The following CAMK1D variants were observed in gnomAD, a reference collection of about 807,000 sequenced individuals.
The protein encoded by CAMK1D is calcium/calmodulin dependent protein kinase ID.
In CAMK1D, 9 loss-of-function variants were observed where a neutral mutation model predicts 47.7. The observed-to-expected ratio is 0.19, with a 90% CI of 0.11 to 0.33. CAMK1D has a LOEUF of 0.33. CAMK1D is among the 10% of genes least tolerant of loss of function. The probability of loss-of-function intolerance (pLI) is 1.00; values close to 1 mark genes in which losing one functional copy is unlikely to be tolerated. For synonymous variants in CAMK1D, 184 were observed against 184.9 expected (o/e 0.99, Z 0.04); for missense variants, 291 against 488.7 (o/e 0.60, Z 3.81).
chr10:12,559,409 G>A (rs1269634947), intron 2 of CAMK1D, among the ~76,000 whole-genome samples: 6 of 152,176 alleles, frequency 3.9e-5, no homozygotes, highest in Admixed American at 1.3e-4. Context: ...TCCCCCACCC[G>A]CCACCCACTG....
intron 2 of CAMK1D, among the ~76,000 whole-genome samples, chr10:12,630,875 C>A (rs1459110934): frequency 6.6e-6 from 1 of 152,140 alleles, no homozygotes; most frequent in Admixed American, 6.5e-5. Flanking sequence ...CTGTGGACTT[C>A]AGAGGGTGCA....
intron 1 of CAMK1D, among the ~76,000 whole-genome samples, chr10:12,396,692 T>C (rs1838968686): frequency 1.3e-5 from 2 of 152,190 alleles, no homozygotes; most frequent in Non-Finnish European, 2.9e-5. Flanking sequence ...AGATCAAGTG[T>C]GTTGGCAGCT....
chr10:12,465,018 T>C (rs1322167693), intron 1 of CAMK1D, among the ~76,000 whole-genome samples: 2 of 152,160 alleles, frequency 1.3e-5, no homozygotes, highest in Non-Finnish European at 2.9e-5. Context: ...GCCTTTACAG[T>C]GGTCATGTTG....
At chr10:12,685,519 A>T (rs779764927) in intron 3 of CAMK1D, among the ~76,000 whole-genome samples, 36 of 152,202 alleles carry the variant, frequency 2.4e-4, no homozygotes, top group Non-Finnish European at 5.9e-5. Context: ...TGGGTCAAAG[A>T]TATGCCTTCC....
intron 5 of CAMK1D, among the ~76,000 whole-genome samples, chr10:12,785,543 A>T (rs1333746586): frequency 6.6e-6 from 1 of 152,138 alleles, no homozygotes; most frequent in Non-Finnish European, 1.5e-5. Context: ...TGGCCAGGAG[A>T]TGGAACTGTG....
At chr10:12,446,120 C>A (rs1252005505) in intron 1 of CAMK1D, among the ~76,000 whole-genome samples, 1 of 152,104 alleles carries the variant, frequency 6.6e-6, no homozygotes, top group Non-Finnish European at 1.5e-5. Flanking sequence ...GGGTCATGAT[C>A]CAGGCCCCAA....
intron 1 of CAMK1D, among the ~76,000 whole-genome samples, chr10:12,541,691 C>A (rs1836185152): frequency 2.0e-5 from 3 of 151,744 alleles, no homozygotes; most frequent in Non-Finnish European, 1.5e-5. Flanking sequence ...CATTCGGATT[C>A]TCTGGGGTCT....
intron 8 of CAMK1D, among the ~76,000 whole-genome samples, chr10:12,820,919 G>T (rs1226556205): frequency 6.6e-6 from 1 of 152,158 alleles, no homozygotes; most frequent in Admixed American, 6.5e-5. Flanking sequence ...GGGCAGCCCT[G>T]GCCAGAGCTC....
At chr10:12,794,424 A>G (rs1838105249) in intron 6 of CAMK1D, among the ~76,000 whole-genome samples, 1 of 152,256 alleles carries the variant, frequency 6.6e-6, no homozygotes, top group South Asian at 2.1e-4. Context: ...TGAGTAGTGT[A>G]TGCACGTGTG....
rs545680779 is a variant in CAMK1D, at chr10:12,599,049, A to G, written c.224+45693A>G. On this transcript the variant is annotated intron_variant, in intron 2 of 10. Transcript: ENST00000619168. ...TTCAGAGAGGGGGTGTGACCTGCCCATGATTTAGGAAAGGCCTTAGGTGTT... is the reference window on the plus strand; with the variant it reads ...TTCAGAGAGGGGGTGTGACCTGCCCGTGATTTAGGAAAGGCCTTAGGTGTT... Among the ~76,000 whole-genome samples the G allele has an allele frequency of 1.4e-4, 21 of 152,280 alleles. No homozygotes were observed. In the East Asian group the frequency reaches 3.9e-3, roughly 28 times the overall value.
chr10:12,370,133 G>A lies in CAMK1D; in HGVS notation c.92+20223G>A, dbSNP rs376496469. 5.9e-5 allele frequency among the ~76,000 whole-genome samples: 9 copies of A among 152,104 alleles called. No homozygotes were observed. In the South Asian group the frequency reaches 1.5e-3, roughly 25 times the overall value. On this transcript the variant is annotated intron_variant, in intron 1 of 10. Transcript: ENST00000619168. ...TCAGTGATACATGGACTGCATATAC[G>A]ACAGTGGTGCCCTGGGGCAATGATA... is the stretch of plus-strand genomic sequence containing the variant.
At chr10:12,680,035 T>C (rs1275323637) in intron 3 of CAMK1D, among the ~76,000 whole-genome samples, 2 of 152,232 alleles carry the variant, frequency 1.3e-5, no homozygotes, top group Admixed American at 1.3e-4. Context: ...CCTAAAATTC[T>C]GTAACATCTT....
chr10:12,622,529 TAC>T (rs753322080), intron 2 of CAMK1D, among the ~76,000 whole-genome samples: 3 of 151,938 alleles, frequency 2.0e-5, no homozygotes, highest in African/African-American at 4.8e-5. Context: ...GATGTGTGTG[TAC>T]GTGTGTGTGT....
At chr10:12,714,095 C>T (rs1455378626) in intron 3 of CAMK1D, among the ~76,000 whole-genome samples, 6 of 152,230 alleles carry the variant, frequency 3.9e-5, no homozygotes, top group Non-Finnish European at 5.9e-5. Flanking sequence ...CCCATGGTCA[C>T]GGCATGTAGC....
intron 2 of CAMK1D, among the ~76,000 whole-genome samples, chr10:12,652,428 A>AG (rs1283374631): frequency 1.3e-5 from 2 of 149,544 alleles, no homozygotes; most frequent in African/African-American, 2.4e-5. Flanking sequence ...AAAAATACAA[A>AG]AAAAAAAAAA....
intron 1 of CAMK1D, among the ~76,000 whole-genome samples, chr10:12,354,652 C>T (rs534777365): frequency 2.6e-5 from 4 of 151,940 alleles, no homozygotes; most frequent in East Asian, 3.9e-4. Context: ...CCTCGTGATC[C>T]GCCTGCCTCG....
intron 1 of CAMK1D, among the ~76,000 whole-genome samples, chr10:12,521,073 A>C (rs1835401329): frequency 6.6e-6 from 1 of 152,126 alleles, no homozygotes; most frequent in Non-Finnish European, 1.5e-5. Context: ...GAGACAGCTT[A>C]TAGTTTGATT....
intron 3 of CAMK1D, among the ~76,000 whole-genome samples, chr10:12,709,413 A>G (rs555528889): frequency 6.6e-6 from 1 of 152,230 alleles, no homozygotes; most frequent in East Asian, 1.9e-4. Flanking sequence ...CAAACTCGCA[A>G]ATGGAAAGGA....
chr10:12,572,379 T>G (rs1204748709), intron 2 of CAMK1D, among the ~76,000 whole-genome samples: 1 of 152,166 alleles, frequency 6.6e-6, no homozygotes, highest in Non-Finnish European at 1.5e-5. Flanking sequence ...CCTTTGTACT[T>G]CATCCTGAAA....
Sources: gnomAD v4.1 joint callset for allele counts (sites outside exome capture counted in the v4.1 genomes callset) on GRCh38, gnomAD v4.1.1 for gene constraint, MANE v1.5 for transcripts, NCBI Gene and HGNC (gene_info 2026-07-23, HGNC 2026-07-21) for gene names.